Variants in SFXN5 observed in about 807,000 individuals in gnomAD.
SFXN5 encodes the protein sideroflexin-5.
In SFXN5, 43 loss-of-function variants were observed where a neutral mutation model predicts 50.2. The ratio of observed to expected loss-of-function variants is 0.86; its 90% confidence interval spans 0.67 to 1.11. The LOEUF (loss-of-function observed/expected upper bound fraction) is 1.11, where lower values mean the gene tolerates loss of function less well. Ranked by LOEUF, SFXN5 falls within the 50% of genes least tolerant of loss-of-function variation. The probability of loss-of-function intolerance (pLI) is 0.00; values close to 1 mark genes in which losing one functional copy is unlikely to be tolerated. For synonymous variants in SFXN5, 203 were observed against 185.8 expected (o/e 1.09, Z -0.75); for missense variants, 463 against 454.1 (o/e 1.02, Z -0.18).
At chr2:72,988,922 T>G (rs563936192) in intron 9 of SFXN5, among the ~76,000 whole-genome samples, 1 of 152,042 alleles carries the variant, frequency 6.6e-6, no homozygotes, top group East Asian at 1.9e-4. Flanking sequence ...CTCACTGTCA[T>G]CGCCTTCATA....
At chr2:72,990,149 G>A (rs774633224) in intron 9 of SFXN5, among the ~76,000 whole-genome samples, 2 of 152,264 alleles carry the variant, frequency 1.3e-5, no homozygotes, top group Non-Finnish European at 2.9e-5. Context: ...CCAGCCCCGG[G>A]GCAGCGCAGC....
chr2:72,971,908 A>G (rs1303316044), intron 10 of SFXN5, among the ~76,000 whole-genome samples: 2 of 152,160 alleles, frequency 1.3e-5, no homozygotes, highest in East Asian at 3.9e-4. Context: ...AAGAACAGGT[A>G]TCAGGGAGGA....
In SFXN5 at chr2:72,945,591, C is replaced by A; in HGVS notation, c.946-492G>T. On this transcript the variant is annotated intron_variant, in intron 13 of 13. Coordinates refer to ENST00000272433, the MANE Select transcript of SFXN5 (RefSeq NM_144579.3). This position sits in a 1 kb window ranked among gnomAD's most constrained non-coding sequence, Gnocchi z 5.8. Reference sequence around the variant, plus strand: ...CTGTTTCCAGTCCCCTAGACCTAAGCGCCCACACTCCACACTCCGACCACT... The same window carrying A: ...CTGTTTCCAGTCCCCTAGACCTAAGAGCCCACACTCCACACTCCGACCACT... Among the ~76,000 whole-genome samples, 1 of 152,076 alleles carries A rather than the reference C, an allele frequency of 6.6e-6. No individual in the cohort carries two copies. The highest frequency in any genetic ancestry group is 1.9e-4 in the East Asian group (1 of 5,184).
At chr2:72,966,754 G>T in intron 12 of SFXN5, among the ~76,000 whole-genome samples, 1 of 152,164 alleles carries the variant, frequency 6.6e-6, no homozygotes, top group South Asian at 2.1e-4. Context: ...TGCTCTCTGG[G>T]TCGGCCGCAG....
At chr2:72,985,714 G>T (rs1422417328) in intron 10 of SFXN5, among the ~76,000 whole-genome samples, 1 of 152,186 alleles carries the variant, frequency 6.6e-6, no homozygotes, top group African/African-American at 2.4e-5. Context: ...ACCACATTAT[G>T]CAACCCGTGA....
intron 1 of SFXN5, among the ~76,000 whole-genome samples, chr2:73,069,095 G>T (rs1295412791): frequency 6.6e-6 from 1 of 152,204 alleles, no homozygotes; most frequent in Admixed American, 6.5e-5. Context: ...ATACTTTGGG[G>T]GCCCCTTCAG....
At chr2:72,978,308 A>T (rs940326647) in intron 10 of SFXN5, among the ~76,000 whole-genome samples, 4 of 143,958 alleles carry the variant, frequency 2.8e-5, no homozygotes, top group Non-Finnish European at 4.5e-5. Context: ...TTTGAGATGG[A>T]GTCTCACTCT....
chr2:72,993,724 G>A (rs1473455228), intron 9 of SFXN5, among the ~76,000 whole-genome samples: 1 of 152,150 alleles, frequency 6.6e-6, no homozygotes, highest in Non-Finnish European at 1.5e-5. Flanking sequence ...CAATAGTCTG[G>A]TCCAGGATTC....
chr2:73,047,902 G>A (rs565653331), intron 2 of SFXN5, among the ~76,000 whole-genome samples: 1 of 152,300 alleles, frequency 6.6e-6, no homozygotes, highest in South Asian at 2.1e-4. Context: ...ATTTCTGTAA[G>A]AGGATATTTA....
rs185999426 is a variant in SFXN5 at position 73,056,655 on chromosome 2, T to C, written c.171+1873A>G. On this transcript the variant is annotated intron_variant, in intron 2 of 13. Transcript: ENST00000272433. ...AGCTGGGATCACACCATTGCACTCC[T>C]ATCTGGGCAACAAGAGCAAAACTCC... Among the ~76,000 whole-genome samples, 329 of 147,212 alleles carry C rather than the reference T, an allele frequency of 2.2e-3. 2 individuals carry two copies. Among genetic ancestry groups the C allele is most frequent in the Non-Finnish European group, 2.2e-3 (146 of 67,190 alleles).
chr2:73,042,226 A>G (rs57654680), intron 2 of SFXN5, among the ~76,000 whole-genome samples: 443 of 152,342 alleles, frequency 2.9e-3, no homozygotes, highest in African/African-American at 0.01. Context: ...TCATAGCAGC[A>G]GCATTTATAT....
intron 4 of SFXN5, 40 bp from the exon 5 acceptor site, chr2:73,022,616 G>A (rs1340050553): frequency 5.1e-6 from 3 of 586,750 alleles, no homozygotes; most frequent in South Asian, 1.5e-5. Context: ...GGGGACGGGG[G>A]TGTAGGGAGG....
intron 9 of SFXN5, chr2:72,996,544 T>C (rs1012143415): frequency 6.8e-5 from 10 of 147,590 alleles, no homozygotes; most frequent in African/African-American, 2.5e-4. Context: ...GGTTTTGCTC[T>C]GTCGCCCAGT....
At chr2:73,030,200 C>T (rs1678125083) in intron 3 of SFXN5, among the ~76,000 whole-genome samples, 1 of 152,152 alleles carries the variant, frequency 6.6e-6, no homozygotes, top group South Asian at 2.1e-4. Flanking sequence ...GAGTCCCTAT[C>T]CTTAACTACC....
At chr2:72,997,191 A>G (rs1036256945) in intron 9 of SFXN5, 2 of 152,224 alleles carry the variant, frequency 1.3e-5, no homozygotes, top group Non-Finnish European at 2.9e-5. Flanking sequence ...CCCACTTCAC[A>G]GCTATTTGGA....
chr2:73,062,778 A>G (rs1262120908), intron 1 of SFXN5, among the ~76,000 whole-genome samples: 1 of 152,220 alleles, frequency 6.6e-6, no homozygotes, highest in African/African-American at 2.4e-5. Flanking sequence ...GGGGACACAC[A>G]GAGTTCTTCC....
rs115876526 is a variant in SFXN5 at position 73,005,770 on chromosome 2, G to A, written c.358-4192C>T. On this transcript the variant is annotated intron_variant, in intron 6 of 13. Transcript: ENST00000272433. ...TGGGGCTTTTCCCTCTTCTTCTGATGCCCCCGCCATGGCATTCAGCACAAA... is the reference window on the plus strand; with the variant it reads ...TGGGGCTTTTCCCTCTTCTTCTGATACCCCCGCCATGGCATTCAGCACAAA... Among the ~76,000 whole-genome samples, 504 of 152,104 alleles carry A rather than the reference G, an allele frequency of 3.3e-3. 5 individuals carry two copies. Among genetic ancestry groups the A allele is most frequent in the African/African-American group, 0.011 (446 of 41,466 alleles).
At position 73,053,733 on chromosome 2, in the gene SFXN5, G is replaced by C. The variant is rs536703537; in HGVS notation, c.171+4795C>G. On this transcript the variant is annotated intron_variant, in intron 2 of 13. Coordinates refer to ENST00000272433, the MANE Select transcript of SFXN5 (RefSeq NM_144579.3). ...ACCAGGTCACCAGATGGCTCAAGCT[G>C]CCTAGGATCTTTCTACTTCTGGACC... 9.2e-5 allele frequency among the ~76,000 whole-genome samples: 14 copies of C among 152,290 alleles called. No individual in the cohort carries two copies. In the South Asian group the frequency reaches 2.9e-3, roughly 32 times the overall value.
At chr2:72,966,880 G>A (rs1169702089) in intron 12 of SFXN5, among the ~76,000 whole-genome samples, 1 of 152,140 alleles carries the variant, frequency 6.6e-6, no homozygotes, top group East Asian at 1.9e-4. Flanking sequence ...ACCTGGGTAC[G>A]GGTCTTGCCC....
Sources: gnomAD v4.1 joint callset for allele counts (sites outside exome capture counted in the v4.1 genomes callset) on GRCh38, gnomAD v4.1.1 for gene constraint, Gnocchi (gnomAD v3.1) non-coding constraint, MANE v1.5 for transcripts, NCBI Gene and HGNC (gene_info 2026-07-23, HGNC 2026-07-21) for gene names.